MAP3K4: variants seen among roughly 807,000 people sequenced by gnomAD.
The protein encoded by MAP3K4 is mitogen-activated protein kinase kinase kinase 4.
A neutral mutation model predicts 185.6 loss-of-function variants in MAP3K4; 67 were observed. The ratio of observed to expected loss-of-function variants is 0.36; its 90% CI spans 0.30 to 0.44. MAP3K4 has a LOEUF of 0.44. MAP3K4 is among the 20% of genes least tolerant of loss of function. MAP3K4 has a pLI of 1.00. For synonymous variants in MAP3K4, 702 were observed against 710.4 expected (o/e 0.99, Z 0.19); for missense variants, 1,551 against 1,995.1 (o/e 0.78, Z 4.24).
At position 161,023,412 on chromosome 6, in the gene MAP3K4, G is replaced by T. The variant is rs1782493367; in HGVS notation, c.153-10847G>T. ...TGGTCTTCCATCATGCTAACCTAAAGCCGTTAATCAGTATGTTTAGGTTAT... is the reference window on the plus strand; with the variant it reads ...TGGTCTTCCATCATGCTAACCTAAATCCGTTAATCAGTATGTTTAGGTTAT... On this transcript the variant is annotated intron_variant, in intron 1 of 26. Coordinates refer to ENST00000392142, the MANE Select transcript of MAP3K4 (RefSeq NM_005922.4). Among the ~76,000 whole-genome samples the T allele has an allele frequency of 2.0e-5, 3 of 152,156 alleles. No individual in the cohort carries two copies. The South Asian group carries it at 6.2e-4, about 31-fold the overall frequency.
chr6:161,113,225 A>G (rs1277550408), intron 25 of MAP3K4, among the ~76,000 whole-genome samples: 1 of 152,224 alleles, frequency 6.6e-6, no homozygotes, highest in Non-Finnish European at 1.5e-5. Context: ...ACAGAAAGAC[A>G]TGGAGGAACC....
rs919685507 is a variant in MAP3K4 at position 161,037,799 on chromosome 6, T to G, written c.343+3350T>G. 6.6e-6 allele frequency among the ~76,000 whole-genome samples: 1 copy of G among 152,230 alleles called. No homozygotes were observed. Among genetic ancestry groups the G allele is most frequent in the Non-Finnish European group, 1.5e-5 (1 of 68,048 alleles). On this transcript the variant is annotated intron_variant, in intron 2 of 26. Coordinates refer to ENST00000392142, the MANE Select transcript of MAP3K4 (RefSeq NM_005922.4). This position sits in a 1 kb window ranked among gnomAD's most constrained non-coding sequence, Gnocchi z 4.2. ...AAGCAAAATTAAATAATTACATTGT[T>G]GACATATCCTTATTAAATGGTGTGC...
chr6:161,010,604 G>A (rs1211851124), intron 1 of MAP3K4, among the ~76,000 whole-genome samples: 2 of 151,860 alleles, frequency 1.3e-5, no homozygotes, highest in East Asian at 1.9e-4. Flanking sequence ...TTGTTTAATC[G>A]GAGCAGATAA....
At position 161,087,175 on chromosome 6, in the gene MAP3K4, C is replaced by T. The variant is rs1334487208; in HGVS notation, c.2556+508C>T. On this transcript the variant is annotated intron_variant, in intron 9 of 26. Coordinates refer to ENST00000392142, the MANE Select transcript of MAP3K4 (RefSeq NM_005922.4). This position sits in a 1 kb window ranked among gnomAD's most constrained non-coding sequence, Gnocchi z 4.9. ...TTTTATCCCAAGCCCACAGTTGTAT[C>T]CCGCTCCCATACTGAGAGTGGGAGG... Among the ~76,000 whole-genome samples the T allele has an allele frequency of 6.6e-6, 1 of 152,182 alleles. No homozygotes were observed. The highest frequency in any genetic ancestry group is 1.5e-5 in the Non-Finnish European group (1 of 68,036).
chr6:161,084,973 C>T lies in MAP3K4; in HGVS notation c.2372+356C>T, dbSNP rs771154137. ...CAGCCTGGCCAAGATGGTGAAACCT[C>T]GTCTCTACTAAAAATACAAAAAAAA... is the stretch of plus-strand genomic sequence containing the variant. On this transcript the variant is annotated intron_variant, in intron 7 of 26. Coordinates refer to ENST00000392142, the MANE Select transcript of MAP3K4 (RefSeq NM_005922.4). The surrounding 1 kb of genome is among the most constrained non-coding windows in gnomAD (Gnocchi z 4.6). Among the ~76,000 whole-genome samples the T allele has an allele frequency of 4.6e-5, 7 of 151,932 alleles. No homozygotes were observed. The highest frequency in any genetic ancestry group is 1.5e-4 in the African/African-American group (6 of 41,320).
At chr6:161,002,304 TTTC>T (rs1393226328) in intron 1 of MAP3K4, among the ~76,000 whole-genome samples, 1 of 152,160 alleles carries the variant, frequency 6.6e-6, no homozygotes, top group African/African-American at 2.4e-5. Context: ...TTGGATTAAT[TTTC>T]TTTTCATTTT....
chr6:161,069,287 G>T (rs148252715), intron 3 of MAP3K4, among the ~76,000 whole-genome samples: 1 of 152,302 alleles, frequency 6.6e-6, no homozygotes, highest in East Asian at 1.9e-4. Flanking sequence ...TAAACTCAGG[G>T]TTTAGAGTAT....
In MAP3K4 at chr6:161,061,387, C is replaced by T. The variant is rs1784480610; in HGVS notation, c.1708-9221C>T. On this transcript the variant is annotated intron_variant, in intron 3 of 26. Coordinates refer to ENST00000392142, the MANE Select transcript of MAP3K4 (RefSeq NM_005922.4). The surrounding 1 kb of genome is among the most constrained non-coding windows in gnomAD (Gnocchi z 4.2). ...TTTTGGAACATTTCTTCTCGTGGCTCTGCCACTGACTAGATATACAGTTAG... is the reference window on the plus strand; with the variant it reads ...TTTTGGAACATTTCTTCTCGTGGCTTTGCCACTGACTAGATATACAGTTAG... Among the ~76,000 whole-genome samples, 1 of 152,242 alleles carries T rather than the reference C, an allele frequency of 6.6e-6. No individual in the cohort carries two copies. Among genetic ancestry groups the T allele is most frequent in the Admixed American group, 6.5e-5 (1 of 15,292 alleles).
rs896471637 is a variant in MAP3K4, at chr6:161,080,065, C to T, written c.2098-816C>T. ...AGTGGTGGGTGGGCGCTCAGGTTGGCGACAGACTGCTTCACGCTGAGTCAC... is the reference window on the plus strand; with the variant it reads ...AGTGGTGGGTGGGCGCTCAGGTTGGTGACAGACTGCTTCACGCTGAGTCAC... On this transcript the variant is annotated intron_variant, in intron 5 of 26. Coordinates refer to ENST00000392142, the MANE Select transcript of MAP3K4 (RefSeq NM_005922.4). The surrounding 1 kb of genome is among the most constrained non-coding windows in gnomAD (Gnocchi z 4.8). Among the ~76,000 whole-genome samples the T allele has an allele frequency of 1.3e-5, 2 of 152,062 alleles. No homozygotes were observed. Among genetic ancestry groups the T allele is most frequent in the Admixed American group, 6.5e-5 (1 of 15,268 alleles).
intron 2 of MAP3K4, among the ~76,000 whole-genome samples, chr6:161,040,138 T>A (rs1054210673): frequency 1.3e-5 from 2 of 152,222 alleles, no homozygotes; most frequent in African/African-American, 4.8e-5. Context: ...TTGTATTTTC[T>A]GTATTAGTAA....
intron 1 of MAP3K4, among the ~76,000 whole-genome samples, chr6:161,010,314 C>T (rs2115075890): frequency 6.6e-6 from 1 of 152,178 alleles, no homozygotes; most frequent in East Asian, 1.9e-4. Flanking sequence ...GTATGCTTAT[C>T]ATATTTTTTG....
intron 1 of MAP3K4, among the ~76,000 whole-genome samples, chr6:161,031,513 C>T (rs1294199851): frequency 7.9e-5 from 12 of 152,100 alleles, no homozygotes; most frequent in African/African-American, 2.9e-4. Context: ...TTTAAAAAAT[C>T]AGCTGTGCTT....
chr6:161,091,424 C>T lies in MAP3K4; in HGVS notation c.3019C>T (p.Arg1007Cys), dbSNP rs146198891. The change falls in exon 12 of 27, where the codon CGC (arginine) becomes TGC (cysteine). Residue 1007 changes from arginine (R) to cysteine (C), a missense_variant. Transcript: ENST00000392142. This position sits in a 1 kb window ranked among gnomAD's most constrained non-coding sequence, Gnocchi z 5.5. ...LCNRISNAID[R>C]VDHMFTSEFD... ...CAACAGGATAAGCAATGCCATTGAC[C>T]GCGTGGACCACATGTTCACATCAGA... 2.0e-5 allele frequency: 32 copies of T among 1,613,640 alleles called. No individual in the cohort carries two copies. Among genetic ancestry groups the T allele is most frequent in the African/African-American group, 8.0e-5 (6 of 74,836 alleles).
Position 161,088,459 on chromosome 6 carries a change from A to G in MAP3K4, c.2823+505A>G, listed in dbSNP as rs1192673306. ...TTAGGAACAGTCATGGTGAGTGTTC[A>G]TATGCACCTTGAGCTCAGCCTCACC... On this transcript the variant is annotated intron_variant, in intron 10 of 26. Coordinates refer to ENST00000392142, the MANE Select transcript of MAP3K4 (RefSeq NM_005922.4). This position sits in a 1 kb window ranked among gnomAD's most constrained non-coding sequence, Gnocchi z 4.5. Among the ~76,000 whole-genome samples, 1 of 152,192 alleles carries G rather than the reference A, an allele frequency of 6.6e-6. No individual in the cohort carries two copies. The highest frequency in any genetic ancestry group is 1.5e-5 in the Non-Finnish European group (1 of 68,030).
At chr6:161,020,701 A>G (rs1019781519) in intron 1 of MAP3K4, among the ~76,000 whole-genome samples, 2 of 151,696 alleles carry the variant, frequency 1.3e-5, no homozygotes, top group Non-Finnish European at 2.9e-5. Flanking sequence ...GCATGCATGC[A>G]CATAATGAAA....
chr6:161,021,510 T>C (rs1782388256), intron 1 of MAP3K4, among the ~76,000 whole-genome samples: 2 of 152,234 alleles, frequency 1.3e-5, no homozygotes, highest in African/African-American at 2.4e-5. Flanking sequence ...GGAACTTTTA[T>C]GTGTCAGTTG....
intron 1 of MAP3K4, among the ~76,000 whole-genome samples, chr6:161,030,433 T>TTTTG (rs879897166): frequency 2.8e-4 from 42 of 152,118 alleles, no homozygotes; most frequent in African/African-American, 6.5e-4. Context: ...TCTTTGGTAT[T>TTTTG]TTTGTTTGTT....
In MAP3K4 at chr6:161,004,036, A is replaced by G. The variant is rs532820328; in HGVS notation, c.152+11953A>G. On this transcript the variant is annotated intron_variant, in intron 1 of 26. Coordinates refer to ENST00000392142, the MANE Select transcript of MAP3K4 (RefSeq NM_005922.4). ...ACATATGATAGTTCTGATATATGCC[A>G]ACAATATACCAAGCATATAGTTAAA... 2.0e-5 allele frequency among the ~76,000 whole-genome samples: 3 copies of G among 152,262 alleles called. No homozygotes were observed. The East Asian group carries it at 5.8e-4, about 29-fold the overall frequency.
At position 161,063,345 on chromosome 6, in the gene MAP3K4, A is replaced by T. The variant is rs1428895491; in HGVS notation, c.1708-7263A>T. 2.0e-5 allele frequency among the ~76,000 whole-genome samples: 3 copies of T among 151,770 alleles called. No individual in the cohort carries two copies. Among genetic ancestry groups the T allele is most frequent in the African/African-American group, 7.3e-5 (3 of 41,280 alleles). The stretch of plus-strand genomic sequence containing the variant: ...TTTCTGGCAAGCGCTCACTGTCTGG[A>T]GGGTTATTCTCCTTTTTCTCTCTCT... On this transcript the variant is annotated intron_variant, in intron 3 of 26. Transcript: ENST00000392142. This position sits in a 1 kb window ranked among gnomAD's most constrained non-coding sequence, Gnocchi z 5.4.
Sources: gnomAD v4.1 joint callset for allele counts (sites outside exome capture counted in the v4.1 genomes callset) on GRCh38, gnomAD v4.1.1 for gene constraint, Gnocchi (gnomAD v3.1) non-coding constraint, MANE v1.5 for transcripts, NCBI Gene and HGNC (gene_info 2026-07-23, HGNC 2026-07-21) for gene names.